The following EFNA5 variants were observed in gnomAD, a reference collection of about 807,000 sequenced individuals.
EFNA5 encodes the protein ephrin-A5.
A neutral mutation model predicts 22.9 loss-of-function variants in EFNA5; 5 were observed. That is an observed-to-expected ratio of 0.22 (90% CI 0.11 to 0.46). EFNA5 has a LOEUF of 0.46. Ranked by LOEUF, EFNA5 falls within the 20% of genes least tolerant of loss-of-function variation. The probability of loss-of-function intolerance (pLI) is 0.99; values close to 1 mark genes in which losing one functional copy is unlikely to be tolerated. For missense variants in EFNA5, 237 were observed against 293.3 expected (o/e 0.81, Z 1.40); for synonymous variants, 113 against 112.2 (o/e 1.01, Z -0.04).
chr5:107,410,689 A>C (rs1477613404), intron 2 of EFNA5, among the ~76,000 whole-genome samples: 1 of 152,196 alleles, frequency 6.6e-6, no homozygotes, highest in African/African-American at 2.4e-5. Context: ...AACTTTAACA[A>C]AATTAACTTA....
At chr5:107,416,264 T>C (rs1162704122) in intron 2 of EFNA5, among the ~76,000 whole-genome samples, 1 of 152,196 alleles carries the variant, frequency 6.6e-6, no homozygotes, top group Non-Finnish European at 1.5e-5. Flanking sequence ...TCTACCTAAG[T>C]TCCAAGGTGA....
Position 107,380,968 on chromosome 5 carries a change from CTA to C in EFNA5, c.*285_*286del. 1 of 325,436 alleles carries C rather than the reference CTA, an allele frequency of 3.1e-6. No homozygotes were observed. Among genetic ancestry groups the C allele is most frequent in the Non-Finnish European group, 5.6e-6 (1 of 178,300 alleles). 20.2% of individuals were successfully genotyped at this position (325,436 alleles called of 1,614,324 possible). On this transcript the variant is annotated 3_prime_UTR_variant, in exon 5 of 5. Transcript: ENST00000333274. ...AGGAGCTGACGAACCACTGGTGTCA[CTA>C]TGACAATTTGGCATTTTCATCTGGA...
chr5:107,401,548 G>T (rs1222109797), intron 2 of EFNA5, among the ~76,000 whole-genome samples: 1 of 152,202 alleles, frequency 6.6e-6, no homozygotes. Flanking sequence ...TACTTCAAGT[G>T]CAAACTTCCC....
chr5:107,476,491 G>C (rs1254638258), intron 1 of EFNA5, among the ~76,000 whole-genome samples: 1 of 152,094 alleles, frequency 6.6e-6, no homozygotes, highest in Non-Finnish European at 1.5e-5. Flanking sequence ...GGCTTGTTTA[G>C]AGTTTCAAAA....
intron 1 of EFNA5, among the ~76,000 whole-genome samples, chr5:107,514,939 T>C: frequency 6.6e-6 from 1 of 152,262 alleles, no homozygotes; most frequent in Non-Finnish European, 1.5e-5. Flanking sequence ...CCCCAAATCA[T>C]TTTCTAACAA....
chr5:107,531,312 T>G (rs1747805364), intron 1 of EFNA5, among the ~76,000 whole-genome samples: 1 of 152,216 alleles, frequency 6.6e-6, no homozygotes, highest in Non-Finnish European at 1.5e-5. Context: ...CTGTACATTT[T>G]AACTCGTATA....
At chr5:107,401,122 T>A (rs768194172) in intron 2 of EFNA5, among the ~76,000 whole-genome samples, 1 of 152,236 alleles carries the variant, frequency 6.6e-6, no homozygotes, top group African/African-American at 2.4e-5. Flanking sequence ...TTCTATTTCT[T>A]AAGAAATTTC....
chr5:107,555,662 T>C (rs1429363387), intron 1 of EFNA5, among the ~76,000 whole-genome samples: 4 of 152,238 alleles, frequency 2.6e-5, no homozygotes, highest in African/African-American at 4.8e-5. Context: ...ATGTAAGATA[T>C]ACACATTCTT....
intron 1 of EFNA5, among the ~76,000 whole-genome samples, chr5:107,556,787 A>T (rs753880485): frequency 0.082 from 11,104 of 135,704 alleles, 656 homozygotes; most frequent in African/African-American, 0.14. Context: ...TAAATAAATA[A>T]ATAAAATAAA....
At chr5:107,598,312 CATCTT>C (rs1283105899) in intron 1 of EFNA5, among the ~76,000 whole-genome samples, 1 of 152,132 alleles carries the variant, frequency 6.6e-6, no homozygotes, top group Non-Finnish European at 1.5e-5. Context: ...TAATTTTTAA[CATCTT>C]ATCCATAATC....
intron 1 of EFNA5, among the ~76,000 whole-genome samples, chr5:107,591,937 T>TATA (rs1749351543): frequency 2.5e-4 from 5 of 19,974 alleles, no homozygotes; most frequent in African/African-American, 1.4e-3. Context: ...ATATATAATA[T>TATA]ATATATTATA....
chr5:107,440,672 T>G (rs1749233385), intron 1 of EFNA5, among the ~76,000 whole-genome samples: 1 of 152,202 alleles, frequency 6.6e-6, no homozygotes, highest in Non-Finnish European at 1.5e-5. Context: ...TTTCACGACG[T>G]ACACATTAAC....
chr5:107,546,869 A>G (rs1014464641), intron 1 of EFNA5, among the ~76,000 whole-genome samples: 2 of 152,176 alleles, frequency 1.3e-5, no homozygotes, highest in Non-Finnish European at 2.9e-5. Context: ...ACACCAGGGA[A>G]CACTGGGTAA....
intron 2 of EFNA5, among the ~76,000 whole-genome samples, chr5:107,415,699 T>C (rs1190460938): frequency 6.6e-6 from 1 of 152,252 alleles, no homozygotes; most frequent in East Asian, 1.9e-4. Flanking sequence ...AAATTCTCAG[T>C]GTCTTTCCCC....
intron 1 of EFNA5, among the ~76,000 whole-genome samples, chr5:107,485,560 T>G (rs1746594324): frequency 6.6e-6 from 1 of 152,216 alleles, no homozygotes; most frequent in African/African-American, 2.4e-5. Flanking sequence ...CTGTTAGCTT[T>G]CTGTGCTGGA....
intron 1 of EFNA5, among the ~76,000 whole-genome samples, chr5:107,504,210 TA>T (rs1166227286): frequency 6.6e-6 from 1 of 152,068 alleles, no homozygotes; most frequent in Non-Finnish European, 1.5e-5. Flanking sequence ...TTAAATTAAC[TA>T]AAAAAAGAGC....
chr5:107,456,447 C>A (rs548804273), intron 1 of EFNA5, among the ~76,000 whole-genome samples: 104 of 152,270 alleles, frequency 6.8e-4, no homozygotes, highest in Middle Eastern at 6.8e-3. Flanking sequence ...ACATGCAAAG[C>A]AAGTGGGCTA....
chr5:107,454,246 ATACTT>A (rs1203522024), intron 1 of EFNA5, among the ~76,000 whole-genome samples: 1 of 152,196 alleles, frequency 6.6e-6, no homozygotes, highest in Non-Finnish European at 1.5e-5. Flanking sequence ...TTACTTTAAA[ATACTT>A]TATATTAAAC....
intron 2 of EFNA5, among the ~76,000 whole-genome samples, chr5:107,419,211 C>T (rs2112411727): frequency 6.6e-6 from 1 of 152,260 alleles, no homozygotes; most frequent in South Asian, 2.1e-4. Flanking sequence ...GAATAATTTC[C>T]ACAAGTCCCT....
Sources: gnomAD v4.1 joint callset for allele counts (sites outside exome capture counted in the v4.1 genomes callset) on GRCh38, gnomAD v4.1.1 for gene constraint, MANE v1.5 for transcripts, NCBI Gene and HGNC (gene_info 2026-07-23, HGNC 2026-07-21) for gene names.